The following DCTN6 variants were observed in gnomAD, a reference collection of about 807,000 sequenced individuals.
DCTN6 encodes dynactin subunit 6, also known as dynactin 6.
A neutral mutation model predicts 25.8 loss-of-function variants in DCTN6; 15 were observed. The ratio of observed to expected loss-of-function variants is 0.58; its 90% CI spans 0.39 to 0.89. DCTN6 has a LOEUF of 0.89. Ranked by LOEUF, DCTN6 falls within the 40% of genes least tolerant of loss-of-function variation. The pLI, the probability that DCTN6 is intolerant of heterozygous loss-of-function variation, is 0.00. For synonymous variants in DCTN6, 64 were observed against 78.3 expected, an observed-to-expected ratio of 0.82 and a Z score of 0.96; for missense variants, 198 against 237.6, an observed-to-expected ratio of 0.83 and a Z score of 1.09.
intron 2 of DCTN6, among the ~76,000 whole-genome samples, chr8:30,169,649 C>T (rs1466488521): frequency 2.0e-5 from 3 of 152,288 alleles, no homozygotes; most frequent in Middle Eastern, 6.8e-3. Flanking sequence ...AGCACTTTAA[C>T]CTCAAGACCC....
chr8:30,170,836 C>T (rs939592394), intron 2 of DCTN6, among the ~76,000 whole-genome samples: 5 of 151,920 alleles, frequency 3.3e-5, no homozygotes, highest in Admixed American at 1.3e-4. Flanking sequence ...GATGGGGTTT[C>T]GCCATGTTGC....
intron 2 of DCTN6, among the ~76,000 whole-genome samples, chr8:30,170,166 C>T (rs1432283704): frequency 2.7e-5 from 4 of 148,882 alleles, no homozygotes; most frequent in African/African-American, 5.0e-5. Flanking sequence ...GAGCGAGACT[C>T]TGTATCCAAA....
chr8:30,157,814 T>C (rs1803545869), intron 1 of DCTN6, among the ~76,000 whole-genome samples: 1 of 152,260 alleles, frequency 6.6e-6, no homozygotes, highest in African/African-American at 2.4e-5. Flanking sequence ...ACATTGTTTC[T>C]GGTGCCATAA....
chr8:30,168,686 G>C (rs866841091), intron 2 of DCTN6, among the ~76,000 whole-genome samples: 1 of 152,068 alleles, frequency 6.6e-6, no homozygotes, highest in East Asian at 1.9e-4. Context: ...CTTTAAACCC[G>C]ATCTGTTTTC....
intron 2 of DCTN6, among the ~76,000 whole-genome samples, chr8:30,174,170 C>G (rs1803800975): frequency 6.6e-6 from 1 of 152,172 alleles, no homozygotes; most frequent in Non-Finnish European, 1.5e-5. Flanking sequence ...TCTGCTGCCT[C>G]CCTTTAACCT....
Position 30,183,077 on chromosome 8 carries a change from C to G in DCTN6, c.477C>G (p.Pro159=). Reference sequence around the variant, plus strand: ...CCTTAATTACCTTATCTTTTTAGCCCCAGACACTACAGCTGGATTTCTTGA... The same window carrying G: ...CCTTAATTACCTTATCTTTTTAGCCGCAGACACTACAGCTGGATTTCTTGA... ...LRRVQTERPQ[P]QTLQLDFLMK... is the part of the protein sequence containing the mutation. The change falls in exon 7 of 7, where the codon CCC becomes CCG. Residue 159 remains proline, a splice_region_variant and synonymous_variant. Transcript: ENST00000221114. 4.3e-6 allele frequency: 7 copies of G among 1,613,848 alleles called. No homozygotes were observed. Among genetic ancestry groups the G allele is most frequent in the Non-Finnish European group, 4.2e-6 (5 of 1,179,850 alleles).
chr8:30,178,468 A>AT (rs1260845711), intron 4 of DCTN6, among the ~76,000 whole-genome samples: 2 of 144,334 alleles, frequency 1.4e-5, no homozygotes, highest in Non-Finnish European at 3.0e-5. Flanking sequence ...TCTCAAAAAG[A>AT]TTAAAAAAAA....
intron 4 of DCTN6, among the ~76,000 whole-genome samples, chr8:30,178,701 C>T (rs950929378): frequency 2.6e-5 from 4 of 152,088 alleles, no homozygotes; most frequent in African/African-American, 9.7e-5. Context: ...CTCTGTCACC[C>T]AGGCTGGCAT....
chr8:30,161,878 G>A (rs1310682533), intron 1 of DCTN6, among the ~76,000 whole-genome samples: 1 of 150,604 alleles, frequency 6.6e-6, no homozygotes, highest in East Asian at 2.0e-4. Flanking sequence ...CTCCCAAGTA[G>A]CTGGGACTAC....
intron 1 of DCTN6, among the ~76,000 whole-genome samples, chr8:30,157,807 T>G (rs1803545746): frequency 6.6e-6 from 1 of 152,208 alleles, no homozygotes; most frequent in Non-Finnish European, 1.5e-5. Flanking sequence ...AAAACTGACA[T>G]TGTTTCTGGT....
chr8:30,162,676 AGAT>A (rs2117577671), intron 1 of DCTN6, among the ~76,000 whole-genome samples: 1 of 152,338 alleles, frequency 6.6e-6, no homozygotes, highest in East Asian at 1.9e-4. Context: ...GTCAAACAAA[AGAT>A]AACAGCAGAA....
chr8:30,182,031 C>G (rs1238563317), intron 6 of DCTN6, among the ~76,000 whole-genome samples: 1 of 151,932 alleles, frequency 6.6e-6, no homozygotes, highest in African/African-American at 2.4e-5. Context: ...ACTCTATAGA[C>G]TAAAAAGGAA....
intron 4 of DCTN6, 74 bp downstream of exon 4, chr8:30,177,288 T>C: frequency 8.1e-7 from 1 of 1,241,304 alleles, no homozygotes; most frequent in Non-Finnish European, 1.1e-6. Flanking sequence ...CTGTAGAAAT[T>C]GTAAATAATT....
intron 6 of DCTN6, 141 bp downstream of exon 6, chr8:30,180,771 C>A: frequency 9.2e-7 from 1 of 1,086,102 alleles, no homozygotes; most frequent in Non-Finnish European, 1.3e-6. Flanking sequence ...GTGACTCGTG[C>A]CTGGAATTCT....
chr8:30,158,457 A>T (rs1032778855), intron 1 of DCTN6, among the ~76,000 whole-genome samples: 2 of 152,190 alleles, frequency 1.3e-5, no homozygotes, highest in Admixed American at 1.3e-4. Context: ...TTTATCATGG[A>T]AAAACATCTG....
intron 6 of DCTN6, among the ~76,000 whole-genome samples, chr8:30,181,263 AT>A (rs1803907507): frequency 6.6e-6 from 1 of 152,182 alleles, no homozygotes. Flanking sequence ...AGCCATATTG[AT>A]TTACTCCTAA....
At chr8:30,160,637 A>AG in intron 1 of DCTN6, among the ~76,000 whole-genome samples, 1 of 152,324 alleles carries the variant, frequency 6.6e-6, no homozygotes, top group South Asian at 2.1e-4. Flanking sequence ...GGAAAAAAAA[A>AG]TTGTGTCTGT....
chr8:30,158,605 G>C (rs1236829835), intron 1 of DCTN6, among the ~76,000 whole-genome samples: 1 of 151,896 alleles, frequency 6.6e-6, no homozygotes, highest in African/African-American at 2.4e-5. Context: ...TAATATGAGA[G>C]GGTTAGACCA....
intron 2 of DCTN6, 90 bp from the exon 3 acceptor site, chr8:30,174,995 C>G: frequency 3.3e-6 from 4 of 1,213,038 alleles, no homozygotes; most frequent in Non-Finnish European, 4.7e-6. Context: ...ATGTTCCTCC[C>G]AACAGCCTCA....
Sources: allele counts gnomAD v4.1 joint callset (sites outside exome capture counted in the v4.1 genomes callset), GRCh38; gene constraint gnomAD v4.1.1; transcripts MANE v1.5; gene names NCBI Gene and HGNC (gene_info 2026-07-23, HGNC 2026-07-21).